TRIP11: variants seen among roughly 807,000 people sequenced by gnomAD.
TRIP11 encodes thyroid receptor-interacting protein 11.
TRIP11 carries 148 observed loss-of-function variants against 223.1 expected under a neutral mutation model. The observed-to-expected ratio is 0.66, with a 90% CI of 0.58 to 0.76. TRIP11 has a LOEUF of 0.76. Ranked by LOEUF, TRIP11 falls within the 30% of genes least tolerant of loss-of-function variation. The pLI, the probability that TRIP11 is intolerant of heterozygous loss-of-function variation, is 0.00. For missense variants in TRIP11, 2,043 were observed against 2,222.0 expected, an observed-to-expected ratio of 0.92 and a Z score of 1.62; for synonymous variants, 762 against 772.6, an observed-to-expected ratio of 0.99 and a Z score of 0.23.
rs538770915 is a variant in TRIP11, at chr14:91,970,295, C to T, written c.5720-402G>A. On this transcript the variant is annotated intron_variant, in intron 20 of 20. Coordinates refer to ENST00000267622, the MANE Select transcript of TRIP11 (RefSeq NM_004239.4). ...GGGCATGGTGGCGGGCGCCTGTAAT[C>T]CCAGCTACTTGGGAGGCTGAGGCTG... Among the ~76,000 whole-genome samples the T allele has an allele frequency of 1.4e-3, 220 of 152,200 alleles. 1 individual carries two copies. The highest frequency in any genetic ancestry group is 3.5e-3 in the Admixed American group (54 of 15,296).
rs1488974971 is a variant in TRIP11, at chr14:92,003,752, T to C, written c.4224A>G (p.Leu1408=). The C allele has an allele frequency of 1.2e-6, 2 of 1,614,214 alleles. No homozygotes were observed. The highest frequency in any genetic ancestry group is 1.3e-5 in the African/African-American group (1 of 75,070). ...LKEKQDVLQK[L]LKEKDLLIKA... ...TGATTAAGAGGTCTTTTTCCTTAAG[T>C]AACTTTTGCAAAACATCTTGTTTCT... The change falls in exon 11 of 21, where the codon TTA becomes TTG. Residue 1408 remains leucine, a synonymous_variant. Transcript: ENST00000267622.
At chr14:92,035,168 C>A (rs537932031) in intron 1 of TRIP11, among the ~76,000 whole-genome samples, 1 of 149,060 alleles carries the variant, frequency 6.7e-6, no homozygotes, top group Non-Finnish European at 1.5e-5. Context: ...AAAAAACTGG[C>A]CAGTCATGGT....
chr14:92,000,389 C>T (rs190070977), intron 11 of TRIP11, among the ~76,000 whole-genome samples: 64 of 152,146 alleles, frequency 4.2e-4, no homozygotes, highest in African/African-American at 1.5e-3. Flanking sequence ...GGTATCCTGC[C>T]GGTACAGGAA....
chr14:91,994,539 C>T (rs997605345), intron 14 of TRIP11, among the ~76,000 whole-genome samples: 3 of 152,068 alleles, frequency 2.0e-5, no homozygotes, highest in Admixed American at 1.3e-4. Flanking sequence ...CCACCGTGCC[C>T]GGCAAGAATT....
In TRIP11 at chr14:92,039,952, T is replaced by C. The variant is rs886050912; in HGVS notation, c.-267A>G. The C allele has an allele frequency of 4.9e-5, 28 of 576,450 alleles. No homozygotes were observed. The highest frequency in any genetic ancestry group is 9.3e-5 in the East Asian group (3 of 32,120). 35.7% of individuals were successfully genotyped at this position (576,450 alleles called of 1,614,324 possible). On this transcript the variant is annotated 5_prime_UTR_variant, in exon 1 of 21. Coordinates refer to ENST00000267622, the MANE Select transcript of TRIP11 (RefSeq NM_004239.4). ...TTCCCACGAATTCCCACCGTCCAGA[T>C]TGGGCCACTTCTTTCTCAGCTCTAA...
At chr14:92,011,714 C>T in intron 8 of TRIP11, 41 bp downstream of exon 8, 1 of 1,553,008 alleles carries the variant, frequency 6.4e-7, no homozygotes, top group East Asian at 2.3e-5. Context: ...GATCTGCTTC[C>T]ACTGTCTCTA....
chr14:91,974,541 T>TA (rs1555383401), intron 19 of TRIP11, 86 bp downstream of exon 19: 454 of 1,122,906 alleles, frequency 4.0e-4, no homozygotes, highest in Middle Eastern at 8.8e-4. Context: ...AAAATAATTT[T>TA]AAAAAAAAAT....
chr14:91,974,007 G>A (rs529731546), intron 19 of TRIP11, among the ~76,000 whole-genome samples: 16 of 152,268 alleles, frequency 1.1e-4, no homozygotes, highest in Admixed American at 6.5e-4. Flanking sequence ...CAGCCTGGGC[G>A]ACAGAGCGAG....
chr14:91,977,566 C>T (rs2056482133), intron 16 of TRIP11, among the ~76,000 whole-genome samples: 1 of 151,490 alleles, frequency 6.6e-6, no homozygotes, highest in African/African-American at 2.4e-5. Flanking sequence ...TTTCTAGACT[C>T]TAAATTCCCA....
intron 11 of TRIP11, among the ~76,000 whole-genome samples, chr14:92,001,374 CA>C (rs535113804): frequency 0.038 from 5,275 of 138,452 alleles, 291 homozygotes; most frequent in African/African-American, 0.12. Flanking sequence ...AATAGTTTTT[CA>C]GTTTTTTTTT....
At chr14:91,992,710 C>T (rs2056690384) in intron 15 of TRIP11, among the ~76,000 whole-genome samples, 1 of 151,874 alleles carries the variant, frequency 6.6e-6, no homozygotes, top group African/African-American at 2.4e-5. Context: ...GAGATCGAGA[C>T]TATCCTGGCT....
At chr14:92,029,663 T>C (rs2057238868) in intron 2 of TRIP11, among the ~76,000 whole-genome samples, 1 of 152,134 alleles carries the variant, frequency 6.6e-6, no homozygotes, top group South Asian at 2.1e-4. Flanking sequence ...CCACTTTTTG[T>C]AGTTTTGTTT....
chr14:91,977,908 C>T (rs2056488720), intron 16 of TRIP11, among the ~76,000 whole-genome samples: 2 of 152,078 alleles, frequency 1.3e-5, no homozygotes, highest in South Asian at 2.1e-4. Flanking sequence ...ATATAATAGG[C>T]CAATTTTACC....
At chr14:92,025,268 A>G in intron 3 of TRIP11, 42 bp downstream of exon 3, 1 of 1,404,208 alleles carries the variant, frequency 7.1e-7, no homozygotes, top group Non-Finnish European at 1.0e-6. Flanking sequence ...ACCTAAATAC[A>G]TTACAGTGAA....
In TRIP11 at chr14:92,021,713, G is replaced by A. The variant is rs1318712824; in HGVS notation, c.431C>T (p.Ser144Phe). The change falls in exon 4 of 21, where the codon TCT becomes TTT. Residue 144 changes from serine to phenylalanine, a missense_variant. Ser to Phe is a radical substitution (Grantham distance 155). Transcript: ENST00000267622. ...ATGACTAATCCCATAAGCGAATGAA[G>A]ATGATGCAGTGGTTGCTGGTACACC... ...GAGVPATTAS[S>F]SFAYGISHHP... is the part of the protein sequence containing the mutation. The A allele has an allele frequency of 1.2e-6, 2 of 1,614,186 alleles. No homozygotes were observed. The highest frequency in any genetic ancestry group is 1.7e-6 in the Non-Finnish European group (2 of 1,180,030).
chr14:92,018,378 C>T (rs940258140), intron 4 of TRIP11, among the ~76,000 whole-genome samples: 1 of 152,058 alleles, frequency 6.6e-6, no homozygotes, highest in African/African-American at 2.4e-5. Context: ...CATGAACCAC[C>T]ATGCCTGGCA....
rs1322534636 is a variant in TRIP11 at position 92,011,219 on chromosome 14, G to A, written c.1228-147C>T. Reference sequence around the variant, plus strand: ...AAGAATGCAATACTTGGCCAGACACGGTGGCTCATGCCTGTTAATCCCAGC... The same window carrying A: ...AAGAATGCAATACTTGGCCAGACACAGTGGCTCATGCCTGTTAATCCCAGC... On this transcript the variant is annotated intron_variant, in intron 8 of 20. Transcript: ENST00000267622. 1.7e-5 allele frequency: 13 copies of A among 760,754 alleles called. No homozygotes were observed. The Admixed American group carries it at 1.7e-4, about 10-fold the overall frequency. The allele number at this position is 760,754 out of a possible 1,614,324, so 47.1% of individuals were successfully genotyped here.
intron 2 of TRIP11, among the ~76,000 whole-genome samples, chr14:92,028,963 G>C (rs1263945520): frequency 6.6e-6 from 1 of 152,022 alleles, no homozygotes; most frequent in Admixed American, 6.6e-5. Context: ...TTCTTTCTGA[G>C]GGGTCTACCA....
At chr14:91,977,285 C>A (rs777309377) in intron 16 of TRIP11, 1 of 446,342 alleles carries the variant, frequency 2.2e-6, no homozygotes, top group East Asian at 7.1e-5. Flanking sequence ...TTTATGAAGT[C>A]CAATGTACTT....
Sources: gnomAD v4.1 joint callset for allele counts (sites outside exome capture counted in the v4.1 genomes callset) on GRCh38, gnomAD v4.1.1 for gene constraint, MANE v1.5 for transcripts, NCBI Gene and HGNC (gene_info 2026-07-23, HGNC 2026-07-21) for gene names.